Variants in HNF4G observed in about 807,000 individuals in gnomAD.
HNF4G encodes hepatocyte nuclear factor 4 gamma.
In HNF4G, 21 loss-of-function variants were observed where a neutral mutation model predicts 50.9. The observed-to-expected ratio is 0.41, with a 90% confidence interval of 0.29 to 0.59. The LOEUF (loss-of-function observed/expected upper bound fraction) is 0.59. Among genes scored for constraint, HNF4G ranks in the 20% least tolerant of loss-of-function variants. The pLI, the probability that HNF4G is intolerant of heterozygous loss-of-function variation, is 0.26. For missense variants in HNF4G, 527 were observed against 559.4 expected, an observed-to-expected ratio of 0.94 and a Z score of 0.58; for synonymous variants, 198 against 185.6, an observed-to-expected ratio of 1.07 and a Z score of -0.54.
intron 5 of HNF4G, among the ~76,000 whole-genome samples, chr8:75,553,564 T>C (rs537333150): frequency 1.8e-4 from 28 of 152,064 alleles, no homozygotes; most frequent in African/African-American, 6.8e-4. Context: ...ATGTTGTGTA[T>C]TGGCGTTTAC....
At position 75,558,629 on chromosome 8, in the gene HNF4G, A is replaced by G; in HGVS notation, c.845A>G (p.Asn282Ser). The change falls in exon 7 of 10, where the codon AAT becomes AGT. Residue 282 changes from asparagine to serine, a missense_variant. Around this residue, in one of 5 missense-constraint regions of HNF4G, gnomAD observed 308 missense variants for 301.5 expected, o/e 1.02. Transcript: ENST00000396423. ...TTTCAAGAAATCCAGATTGATGACA[A>G]TGAGTATGCTTGTTTAAAGGCAATT... is the stretch of plus-strand genomic sequence containing the variant. ...RPFQEIQIDD[N>S]EYACLKAIVF... 1 of 1,614,046 alleles carries G rather than the reference A, an allele frequency of 6.2e-7. No individual in the cohort carries two copies. The highest frequency in any genetic ancestry group is 8.5e-7 in the Non-Finnish European group (1 of 1,179,956).
intron 1 of HNF4G, among the ~76,000 whole-genome samples, chr8:75,439,844 A>T (rs1450217466): frequency 6.6e-6 from 1 of 151,994 alleles, no homozygotes; most frequent in Non-Finnish European, 1.5e-5. Context: ...TTTTTAGATA[A>T]TTCAGTTTTT....
chr8:75,424,407 T>G lies in HNF4G; in HGVS notation c.-144+16245T>G, dbSNP rs192256449. 7.8e-3 allele frequency among the ~76,000 whole-genome samples: 1,181 copies of G among 152,298 alleles called. 18 individuals carry two copies. Among genetic ancestry groups the G allele is most frequent in the African/African-American group, 0.026 (1,088 of 41,542 alleles). On this transcript the variant is annotated intron_variant, in intron 1 of 10. Transcript: ENST00000354370. ...TTTAAATTTCCATTTTTATTTTTGA[T>G]TCAGGGGCCACATGTGCAGGTTTGT...
At chr8:75,549,883 G>A (rs995259378) in intron 3 of HNF4G, among the ~76,000 whole-genome samples, 1 of 151,890 alleles carries the variant, frequency 6.6e-6, no homozygotes, top group Non-Finnish European at 1.5e-5. Context: ...CCTTGTGATA[G>A]TTTACTGAGA....
chr8:75,459,327 C>T (rs543019226), intron 1 of HNF4G, among the ~76,000 whole-genome samples: 1 of 152,224 alleles, frequency 6.6e-6, no homozygotes, highest in East Asian at 1.9e-4. Context: ...TCACTGTGGC[C>T]TATCAAAATT....
chr8:75,519,794 A>G (rs1393773497), intron 2 of HNF4G, among the ~76,000 whole-genome samples: 3 of 151,908 alleles, frequency 2.0e-5, no homozygotes, highest in Non-Finnish European at 2.9e-5. Context: ...ACGTCTTTGT[A>G]TTTAAAGTGT....
intron 2 of HNF4G, among the ~76,000 whole-genome samples, chr8:75,545,111 T>C (rs1175807983): frequency 6.6e-6 from 1 of 152,098 alleles, no homozygotes; most frequent in Non-Finnish European, 1.5e-5. Context: ...ACTCTAAAGG[T>C]AAAAGGTAGA....
At chr8:75,470,244 C>T (rs1307206488) in intron 1 of HNF4G, among the ~76,000 whole-genome samples, 3 of 152,136 alleles carry the variant, frequency 2.0e-5, no homozygotes, top group Non-Finnish European at 4.4e-5. Context: ...TTCATGGATT[C>T]TTTACATTTG....
intron 1 of HNF4G, among the ~76,000 whole-genome samples, chr8:75,464,001 C>G (rs1176130913): frequency 6.6e-6 from 1 of 151,950 alleles, no homozygotes; most frequent in Non-Finnish European, 1.5e-5. Context: ...CTTGAATTCC[C>G]AACCTCAGGT....
At chr8:75,480,958 C>G (rs1313208194) in intron 1 of HNF4G, among the ~76,000 whole-genome samples, 2 of 152,062 alleles carry the variant, frequency 1.3e-5, no homozygotes, top group Non-Finnish European at 2.9e-5. Flanking sequence ...CTCAGGTGAT[C>G]CACCTGCCTC....
intron 1 of HNF4G, among the ~76,000 whole-genome samples, chr8:75,423,748 A>G (rs1216949320): frequency 6.6e-6 from 1 of 150,576 alleles, no homozygotes; most frequent in East Asian, 2.0e-4. Context: ...ATTTTTTAAC[A>G]TGAGAATTAA....
At chr8:75,444,999 C>T (rs1811389651) in intron 1 of HNF4G, among the ~76,000 whole-genome samples, 2 of 150,490 alleles carry the variant, frequency 1.3e-5, no homozygotes, top group Admixed American at 1.3e-4. Context: ...CCACACCACA[C>T]CTATTCCAAA....
At chr8:75,482,805 T>G (rs778021777) in intron 1 of HNF4G, among the ~76,000 whole-genome samples, 74 of 152,244 alleles carry the variant, frequency 4.9e-4, no homozygotes, top group Non-Finnish European at 6.3e-4. Flanking sequence ...AAGAATATGT[T>G]TGAATTTTAA....
intron 1 of HNF4G, among the ~76,000 whole-genome samples, chr8:75,470,738 C>A (rs1295076829): frequency 6.6e-6 from 1 of 152,134 alleles, no homozygotes; most frequent in Admixed American, 6.5e-5. Flanking sequence ...TGTGTCAAGG[C>A]AATAGTTATG....
intron 1 of HNF4G, among the ~76,000 whole-genome samples, chr8:75,464,027 A>G (rs112465483): frequency 0.1 from 15,522 of 151,832 alleles, 880 homozygotes; most frequent in Non-Finnish European, 0.12. Context: ...ACCTGCCTCA[A>G]CCTCTGAAAG....
At position 75,448,844 on chromosome 8, in the gene HNF4G, GA is replaced by G. The variant is rs148153836; in HGVS notation, c.-144+40684del. On this transcript the variant is annotated intron_variant, in intron 1 of 10. Transcript: ENST00000354370. ...TTAAAAAATACATAGGACTATATCA[GA>G]ATTATACAAATCAAGCAACCTGTTG... is the stretch of plus-strand genomic sequence containing the variant. Among the ~76,000 whole-genome samples the G allele has an allele frequency of 2.1e-3, 324 of 152,172 alleles. 2 individuals are homozygous for G. Among genetic ancestry groups the G allele is most frequent in the African/African-American group, 7.6e-3 (314 of 41,544 alleles).
chr8:75,544,155 T>A (rs1386460126), intron 2 of HNF4G, among the ~76,000 whole-genome samples, 176 bp downstream of exon 2: 1 of 152,174 alleles, frequency 6.6e-6, no homozygotes, highest in East Asian at 1.9e-4. Context: ...TTCACATAGG[T>A]GTTCTTTTTT....
intron 2 of HNF4G, among the ~76,000 whole-genome samples, chr8:75,526,797 C>T: frequency 6.7e-6 from 1 of 149,808 alleles, no homozygotes; most frequent in East Asian, 2.0e-4. Flanking sequence ...GATGGAGTCT[C>T]GTTCTGTCGC....
At chr8:75,493,594 T>C (rs909565683) in intron 2 of HNF4G, among the ~76,000 whole-genome samples, 2 of 152,196 alleles carry the variant, frequency 1.3e-5, no homozygotes, top group African/African-American at 4.8e-5. Flanking sequence ...AAATTTTCTA[T>C]ATATTTGTTT....
Sources: gnomAD v4.1 joint callset for allele counts (sites outside exome capture counted in the v4.1 genomes callset) on GRCh38, gnomAD v4.1.1 for gene constraint, gnomAD v4.1.1 regional missense constraint, MANE v1.5 for transcripts, NCBI Gene and HGNC (gene_info 2026-07-23, HGNC 2026-07-21) for gene names.